Variants in ADK observed in about 807,000 individuals in gnomAD.
The protein encoded by ADK is adenosine kinase.
Under a neutral mutation model 44.7 loss-of-function variants are expected in ADK, and 24 were observed. The observed-to-expected ratio is 0.54, with a 90% confidence interval of 0.39 to 0.76. ADK has a LOEUF of 0.76. ADK is among the 30% of genes least tolerant of loss of function. ADK has a pLI of 0.00. For synonymous variants in ADK, 128 were observed against 142.6 expected (o/e 0.90, Z 0.73); for missense variants, 321 against 425.1 (o/e 0.76, Z 2.15).
intron 4 of ADK, among the ~76,000 whole-genome samples, chr10:74,341,695 T>G (rs188626582): frequency 1.8e-4 from 28 of 152,346 alleles, no homozygotes; most frequent in African/African-American, 5.8e-4. Flanking sequence ...TTCCATTTCA[T>G]GTACTTGCTT....
chr10:74,422,864 A>G (rs1438666351), intron 6 of ADK, among the ~76,000 whole-genome samples: 1 of 152,170 alleles, frequency 6.6e-6, no homozygotes, highest in Admixed American at 6.5e-5. Context: ...CAATGGGTTC[A>G]TGGCTGTCAC....
intron 6 of ADK, among the ~76,000 whole-genome samples, chr10:74,505,517 CTTT>C (rs35285709): frequency 6.8e-4 from 89 of 131,346 alleles, no homozygotes; most frequent in African/African-American, 2.4e-3. Context: ...CTTCCCCCCA[CTTT>C]TTTTTTTTTT....
intron 6 of ADK, among the ~76,000 whole-genome samples, chr10:74,419,042 G>A (rs141362716): frequency 0.016 from 2,500 of 152,146 alleles, 41 homozygotes; most frequent in Non-Finnish European, 0.029. Flanking sequence ...TTAATGTTTG[G>A]CACCTCCATC....
intron 6 of ADK, among the ~76,000 whole-genome samples, chr10:74,407,976 A>G (rs1182427390): frequency 6.6e-6 from 1 of 151,420 alleles, no homozygotes; most frequent in Non-Finnish European, 1.5e-5. Flanking sequence ...TTTTTTTTCA[A>G]GAATGCCTAA....
At chr10:74,684,022 A>T (rs1440300636) in intron 10 of ADK, among the ~76,000 whole-genome samples, 2 of 152,210 alleles carry the variant, frequency 1.3e-5, no homozygotes, top group Non-Finnish European at 2.9e-5. Flanking sequence ...TATTGATTTT[A>T]CTTGGAGGGG....
At chr10:74,470,965 A>G (rs551436648) in intron 6 of ADK, among the ~76,000 whole-genome samples, 2 of 152,280 alleles carry the variant, frequency 1.3e-5, no homozygotes, top group African/African-American at 4.8e-5. Context: ...TTTTATATAC[A>G]CAATAAGGTA....
intron 2 of ADK, among the ~76,000 whole-genome samples, chr10:74,220,214 A>G (rs541560376): frequency 1.3e-5 from 2 of 151,986 alleles, no homozygotes; most frequent in East Asian, 3.9e-4. Flanking sequence ...CAGAAATACA[A>G]ACTACCATCA....
intron 6 of ADK, among the ~76,000 whole-genome samples, chr10:74,472,203 T>TA (rs769292121): frequency 1.7e-3 from 262 of 151,950 alleles, no homozygotes; most frequent in Middle Eastern, 3.4e-3. Context: ...ATCCCGTCGG[T>TA]AAAAAAAAGT....
At chr10:74,699,227 A>G (rs1273282097) in intron 10 of ADK, among the ~76,000 whole-genome samples, 1 of 147,740 alleles carries the variant, frequency 6.8e-6, no homozygotes, top group Non-Finnish European at 1.5e-5. Context: ...CTGGGGCCTG[A>G]GGCTGTGTTT....
At chr10:74,289,718 T>G (rs1262574644) in intron 3 of ADK, among the ~76,000 whole-genome samples, 2 of 152,142 alleles carry the variant, frequency 1.3e-5, no homozygotes, top group African/African-American at 4.8e-5. Context: ...GCTGACTACT[T>G]TAAGAAAATT....
chr10:74,668,015 G>A (rs7075643), intron 9 of ADK, among the ~76,000 whole-genome samples: 35,435 of 152,022 alleles, frequency 0.23, 5,274 homozygotes, highest in East Asian at 0.69. Context: ...CAATCTGTAA[G>A]TCTAGTGATT....
chr10:74,285,491 C>T (rs1386424354), intron 3 of ADK, among the ~76,000 whole-genome samples: 1 of 152,106 alleles, frequency 6.6e-6, no homozygotes, highest in Non-Finnish European at 1.5e-5. Flanking sequence ...GATATAAAGA[C>T]ATTAAACTAG....
chr10:74,469,129 G>A (rs1444208429), intron 6 of ADK, among the ~76,000 whole-genome samples: 1 of 152,080 alleles, frequency 6.6e-6, no homozygotes, highest in Non-Finnish European at 1.5e-5. Context: ...CTTGAGCCCA[G>A]GAATTTGAGA....
Position 74,529,827 on chromosome 10 carries a change from A to G in ADK, c.726+4401A>G, listed in dbSNP as rs543040997. On this transcript the variant is annotated intron_variant, in intron 7 of 10. Coordinates refer to ENST00000539909, the MANE Select transcript of ADK (RefSeq NM_006721.4). ...GAACATCTGTCATTACGTGGACTAT[A>G]GAATAATAAAGATTGGCTATAAGAC... 3.9e-5 allele frequency among the ~76,000 whole-genome samples: 6 copies of G among 152,336 alleles called. No homozygotes were observed. In the South Asian group the frequency reaches 8.3e-4, roughly 21 times the overall value.
chr10:74,207,496 G>A (rs551607612), intron 2 of ADK, among the ~76,000 whole-genome samples: 1 of 152,332 alleles, frequency 6.6e-6, no homozygotes, highest in African/African-American at 2.4e-5. Flanking sequence ...GCTTCATTGA[G>A]CAACAGAACA....
At chr10:74,173,139 C>T (rs1842215794) in intron 1 of ADK, among the ~76,000 whole-genome samples, 1 of 149,334 alleles carries the variant, frequency 6.7e-6, no homozygotes, top group Non-Finnish European at 1.5e-5. Flanking sequence ...GTCACCTAGG[C>T]TGGAGTGCAG....
At chr10:74,528,208 A>G (rs1234555646) in intron 7 of ADK, 1 of 509,764 alleles carries the variant, frequency 2.0e-6, no homozygotes, top group African/African-American at 1.9e-5. Flanking sequence ...CATATCTGCA[A>G]AAATGGATAA....
At chr10:74,406,146 A>AT (rs1275671911) in intron 6 of ADK, among the ~76,000 whole-genome samples, 1 of 152,064 alleles carries the variant, frequency 6.6e-6, no homozygotes, top group African/African-American at 2.4e-5. Context: ...AGAGATACGT[A>AT]TTTTTTATTC....
intron 6 of ADK, among the ~76,000 whole-genome samples, chr10:74,489,044 A>G (rs939034218): frequency 5.9e-5 from 9 of 151,898 alleles, no homozygotes; most frequent in African/African-American, 2.2e-4. Context: ...GTACATAGTA[A>G]TTTTCTAAAA....
Sources: gnomAD v4.1 joint callset for allele counts (sites outside exome capture counted in the v4.1 genomes callset) on GRCh38, gnomAD v4.1.1 for gene constraint, MANE v1.5 for transcripts, NCBI Gene and HGNC (gene_info 2026-07-23, HGNC 2026-07-21) for gene names.